Variants in DLG2 observed in about 807,000 individuals in gnomAD.
The protein encoded by DLG2 is discs large MAGUK scaffold protein 2.
DLG2 carries 45 observed loss-of-function variants against 132.5 expected under a neutral mutation model. The ratio of observed to expected loss-of-function variants is 0.34; its 90% CI spans 0.27 to 0.44. The LOEUF (loss-of-function observed/expected upper bound fraction) is 0.44. Ranked by LOEUF, DLG2 falls within the 20% of genes least tolerant of loss-of-function variation. The pLI is 1.00. For missense variants in DLG2, 1,045 were observed against 1,196.9 expected, an observed-to-expected ratio of 0.87 and a Z score of 1.87; for synonymous variants, 424 against 419.6, an observed-to-expected ratio of 1.01 and a Z score of -0.13.
At chr11:83,820,866 C>T (rs1198509391) in intron 17 of DLG2, among the ~76,000 whole-genome samples, 2 of 152,136 alleles carry the variant, frequency 1.3e-5, no homozygotes, top group Admixed American at 6.6e-5. Flanking sequence ...TTTCTCTCTT[C>T]CAACCAACCG....
intron 8 of DLG2, among the ~76,000 whole-genome samples, chr11:84,216,924 A>G (rs1337646283): frequency 6.6e-6 from 1 of 152,144 alleles, no homozygotes; most frequent in Non-Finnish European, 1.5e-5. Context: ...ATATAGTAAA[A>G]ATTCAAGGGG....
intron 18 of DLG2, among the ~76,000 whole-genome samples, chr11:83,701,153 A>G (rs1196083350): frequency 6.6e-6 from 1 of 152,082 alleles, no homozygotes; most frequent in Non-Finnish European, 1.5e-5. Flanking sequence ...GGTAGCTGCC[A>G]TATTGTTAGT....
At chr11:83,623,826 G>A (rs775029886) in intron 19 of DLG2, among the ~76,000 whole-genome samples, 6 of 152,164 alleles carry the variant, frequency 3.9e-5, no homozygotes, top group Non-Finnish European at 7.3e-5. Context: ...TTGGGCAGGG[G>A]GAAGAGGGAA....
intron 4 of DLG2, among the ~76,000 whole-genome samples, chr11:85,166,488 T>C (rs899205549): frequency 5.9e-5 from 9 of 152,072 alleles, no homozygotes; most frequent in African/African-American, 2.2e-4. Flanking sequence ...TAAGAACTAT[T>C]TATGACTCCC....
intron 3 of DLG2, among the ~76,000 whole-genome samples, chr11:85,321,555 G>C (rs939787346): frequency 2.0e-5 from 3 of 152,012 alleles, no homozygotes; most frequent in African/African-American, 7.2e-5. Flanking sequence ...CAAGGCTACA[G>C]GTGTGAGTCC....
At chr11:83,792,820 T>C (rs1248196409) in intron 17 of DLG2, among the ~76,000 whole-genome samples, 1 of 152,084 alleles carries the variant, frequency 6.6e-6, no homozygotes, top group Non-Finnish European at 1.5e-5. Flanking sequence ...TAACAGTAAG[T>C]TGTTGAGTAA....
chr11:84,360,204 T>A (rs2098641615), intron 7 of DLG2, among the ~76,000 whole-genome samples: 1 of 151,838 alleles, frequency 6.6e-6, no homozygotes, highest in African/African-American at 2.4e-5. Context: ...AGCCACATTA[T>A]CTCAATTTTT....
intron 4 of DLG2, among the ~76,000 whole-genome samples, chr11:85,246,703 T>C (rs940413318): frequency 5.3e-5 from 8 of 152,070 alleles, no homozygotes; most frequent in Non-Finnish European, 1.2e-4. Flanking sequence ...TTATTAGTAG[T>C]CATATAATTG....
chr11:84,524,358 G>C (rs1232131524), intron 7 of DLG2, among the ~76,000 whole-genome samples: 1 of 152,184 alleles, frequency 6.6e-6, no homozygotes, highest in African/African-American at 2.4e-5. Flanking sequence ...TTGGGGGTAT[G>C]CTGTTTGTAC....
intron 4 of DLG2, among the ~76,000 whole-genome samples, chr11:85,182,927 G>A (rs1281546211): frequency 6.7e-6 from 1 of 150,354 alleles, no homozygotes; most frequent in Non-Finnish European, 1.5e-5. Context: ...CACCCTAGTG[G>A]CCTGACAGAG....
intron 10 of DLG2, among the ~76,000 whole-genome samples, chr11:84,085,062 C>T (rs1055587649): frequency 6.6e-6 from 1 of 152,196 alleles, no homozygotes; most frequent in Non-Finnish European, 1.5e-5. Context: ...GACAGTAGCT[C>T]TAACATCTTT....
chr11:85,423,751 T>C (rs886849324), intron 3 of DLG2, among the ~76,000 whole-genome samples: 1 of 152,026 alleles, frequency 6.6e-6, no homozygotes, highest in Non-Finnish European at 1.5e-5. Flanking sequence ...TCCCATGTAA[T>C]CCTAAGGGCT....
At chr11:83,702,404 G>T (rs1223968958) in intron 18 of DLG2, among the ~76,000 whole-genome samples, 2 of 152,170 alleles carry the variant, frequency 1.3e-5, no homozygotes, top group Admixed American at 6.5e-5. Context: ...ATCTCATGGG[G>T]TGTTGACAGG....
intron 7 of DLG2, among the ~76,000 whole-genome samples, chr11:84,283,386 G>A (rs1319425182): frequency 6.6e-6 from 1 of 152,212 alleles, no homozygotes; most frequent in Non-Finnish European, 1.5e-5. Flanking sequence ...GGATTGTTGA[G>A]GATTAAATGA....
intron 16 of DLG2, among the ~76,000 whole-genome samples, chr11:83,868,675 T>C (rs1212912122): frequency 6.6e-6 from 1 of 152,112 alleles, no homozygotes; most frequent in Non-Finnish European, 1.5e-5. Context: ...ATATCTGTGA[T>C]AAGCAAAGGC....
At chr11:85,539,952 T>C (rs2075853563) in intron 3 of DLG2, among the ~76,000 whole-genome samples, 2 of 152,184 alleles carry the variant, frequency 1.3e-5, no homozygotes, top group South Asian at 4.1e-4. Context: ...CTTCCTAGTT[T>C]GCGAGTGCAA....
intron 3 of DLG2, among the ~76,000 whole-genome samples, chr11:85,573,615 A>G (rs191336092): frequency 1.3e-5 from 2 of 152,090 alleles, no homozygotes; most frequent in Admixed American, 6.6e-5. Context: ...CTTGGTTCCT[A>G]TTTTCTGAGT....
chr11:85,072,361 G>A (rs1444276292), intron 6 of DLG2, among the ~76,000 whole-genome samples: 1 of 151,636 alleles, frequency 6.6e-6, no homozygotes, highest in Admixed American at 6.6e-5. Context: ...ATTTTACTAC[G>A]CTCACTCTCC....
intron 20 of DLG2, among the ~76,000 whole-genome samples, chr11:83,538,204 CCA>C (rs2095947951): frequency 6.6e-6 from 1 of 152,124 alleles, no homozygotes; most frequent in Non-Finnish European, 1.5e-5. Flanking sequence ...ATTACTGGTC[CCA>C]GTTTCCTTAC....
Sources: allele counts gnomAD v4.1 joint callset (sites outside exome capture counted in the v4.1 genomes callset), GRCh38; gene constraint gnomAD v4.1.1; transcripts MANE v1.5; gene names NCBI Gene and HGNC (gene_info 2026-07-23, HGNC 2026-07-21).